The following TMOD1 variants were observed in gnomAD, a reference collection of about 807,000 sequenced individuals.
TMOD1 encodes the protein tropomodulin 1.
TMOD1 carries 17 observed loss-of-function variants against 40.6 expected under a neutral mutation model. The observed-to-expected ratio is 0.42, with a 90% CI of 0.29 to 0.63. The LOEUF is 0.63. TMOD1 is among the 20% of genes least tolerant of loss of function. The pLI, the probability that TMOD1 is intolerant of heterozygous loss-of-function variation, is 0.22. For missense variants in TMOD1, 391 were observed against 447.6 expected (o/e 0.87, Z 1.14); for synonymous variants, 181 against 175.0 (o/e 1.03, Z -0.27).
chr9:97,515,100 G>C (rs189131845), intron 1 of TMOD1, among the ~76,000 whole-genome samples: 1 of 151,976 alleles, frequency 6.6e-6, no homozygotes, highest in Admixed American at 6.5e-5. Flanking sequence ...ACTTTGGGAG[G>C]CTGAGGCAAG....
intron 5 of TMOD1, 92 bp downstream of exon 5, chr9:97,562,913 G>C (rs751212904): frequency 2.7e-5 from 27 of 1,007,188 alleles, no homozygotes; most frequent in Non-Finnish European, 3.5e-5. Flanking sequence ...GTTTTAACAT[G>C]TTATATAGCC....
intron 1 of TMOD1, among the ~76,000 whole-genome samples, chr9:97,504,189 G>A (rs781600165): frequency 1.3e-5 from 2 of 152,158 alleles, no homozygotes; most frequent in African/African-American, 4.8e-5. Context: ...TTTCATAGGG[G>A]CTGCTTGTGA....
At chr9:97,510,033 A>C (rs1829669410) in intron 1 of TMOD1, among the ~76,000 whole-genome samples, 1 of 152,146 alleles carries the variant, frequency 6.6e-6, no homozygotes, top group Non-Finnish European at 1.5e-5. Flanking sequence ...AATATGAAGC[A>C]AATATATTTT....
chr9:97,531,038 C>CCA (rs1554754343), intron 2 of TMOD1, among the ~76,000 whole-genome samples: 3 of 117,962 alleles, frequency 2.5e-5, no homozygotes, highest in African/African-American at 8.2e-5. Context: ...TCCACACCCA[C>CCA]CCCCCCCACC....
intron 9 of TMOD1, among the ~76,000 whole-genome samples, chr9:97,596,791 C>T (rs2773344): frequency 0.18 from 28,019 of 152,172 alleles, 2,717 homozygotes; most frequent in African/African-American, 0.22. Flanking sequence ...CCCCACCTTC[C>T]CATCCTCTAC....
At chr9:97,510,837 T>C (rs1829684524) in intron 1 of TMOD1, among the ~76,000 whole-genome samples, 1 of 151,906 alleles carries the variant, frequency 6.6e-6, no homozygotes, top group Non-Finnish European at 1.5e-5. Flanking sequence ...GGAAATGAAA[T>C]GGAAGGGGCA....
intron 9 of TMOD1, 92 bp from the exon 10 acceptor site, chr9:97,599,542 A>G: frequency 6.6e-7 from 1 of 1,511,808 alleles, no homozygotes; most frequent in South Asian, 1.1e-5. Flanking sequence ...CAAACCAATT[A>G]GTGCGAGGTT....
At chr9:97,545,536 G>A (rs547313311) in intron 2 of TMOD1, among the ~76,000 whole-genome samples, 1 of 152,348 alleles carries the variant, frequency 6.6e-6, no homozygotes, top group South Asian at 2.1e-4. Context: ...CCACCAGTGT[G>A]TTGTGAGCAC....
Position 97,502,954 on chromosome 9 carries a change from AC to A in TMOD1, c.-49+1154del, listed in dbSNP as rs574378191. ...AGCGCCGCCCCCTCCTACACCCTTC[AC>A]CCACCGCTACTATTACAGACCCTGT... On this transcript the variant is annotated intron_variant, in intron 1 of 9. Transcript: ENST00000259365. The surrounding 1 kb of genome is among the most constrained non-coding windows in gnomAD (Gnocchi z 6.1). Among the ~76,000 whole-genome samples the A allele has an allele frequency of 1.7e-3, 262 of 150,906 alleles. 1 individual carries two copies. The highest frequency in any genetic ancestry group is 2.1e-3 in the Non-Finnish European group (141 of 67,614).
intron 7 of TMOD1, among the ~76,000 whole-genome samples, chr9:97,567,933 G>A (rs1379421484): frequency 6.6e-6 from 1 of 152,184 alleles, no homozygotes; most frequent in Non-Finnish European, 1.5e-5. Flanking sequence ...TCAGCTGCTG[G>A]TGTCTTTTTC....
chr9:97,518,412 TGA>T (rs1332661957), intron 1 of TMOD1, among the ~76,000 whole-genome samples: 1 of 152,250 alleles, frequency 6.6e-6, no homozygotes, highest in African/African-American at 2.4e-5. Flanking sequence ...CCTCCAGAAC[TGA>T]GAGCCAACAC....
At chr9:97,584,830 T>A (rs1357386529) in intron 8 of TMOD1, among the ~76,000 whole-genome samples, 3 of 152,242 alleles carry the variant, frequency 2.0e-5, no homozygotes, top group Non-Finnish European at 4.4e-5. Flanking sequence ...CAACAACCCC[T>A]GCCTTTTTTT....
chr9:97,601,473 A>G lies in TMOD1; in HGVS notation c.*1775A>G. ...AAGCTCAGAGAGTAAGTGCTGGGGA[A>G]AGCAGAGCTATCAGAGGAAATCTCT... On this transcript the variant is annotated 3_prime_UTR_variant, in exon 10 of 10. Transcript: ENST00000259365. 1 of 998,008 alleles carries G rather than the reference A, an allele frequency of 1.0e-6. No homozygotes were observed. Among genetic ancestry groups the G allele is most frequent in the Non-Finnish European group, 1.2e-6 (1 of 837,368 alleles). 61.8% of individuals were successfully genotyped at this position (998,008 alleles called of 1,614,324 possible).
intron 8 of TMOD1, among the ~76,000 whole-genome samples, chr9:97,586,548 C>A (rs552441849): frequency 5.3e-5 from 8 of 151,286 alleles, no homozygotes; most frequent in African/African-American, 2.0e-4. Context: ...TCGAGCTTCC[C>A]GGCTGCTTTG....
chr9:97,512,845 G>A (rs895439652), intron 1 of TMOD1: 11 of 152,050 alleles, frequency 7.2e-5, no homozygotes, highest in African/African-American at 2.7e-4. Flanking sequence ...GGCTGGAAAT[G>A]TTTAGTATCT....
intron 8 of TMOD1, among the ~76,000 whole-genome samples, chr9:97,583,743 T>C (rs1825807781): frequency 6.9e-6 from 1 of 145,236 alleles, no homozygotes; most frequent in Non-Finnish European, 1.5e-5. Context: ...AGTGTATGTG[T>C]CCAGGAATTT....
At chr9:97,563,907 A>ACCCCCC in intron 5 of TMOD1, 131 bp from the exon 6 acceptor site, 2 of 903,022 alleles carry the variant, frequency 2.2e-6, no homozygotes, top group Non-Finnish European at 3.2e-6. Context: ...CCCTACCCCC[A>ACCCCCC]CCCAGCCCCT....
At chr9:97,520,658 T>G (rs1205688376) in intron 1 of TMOD1, among the ~76,000 whole-genome samples, 1 of 152,238 alleles carries the variant, frequency 6.6e-6, no homozygotes, top group Admixed American at 6.5e-5. Context: ...GAAAGGGCTT[T>G]TTAAATCCAG....
intron 1 of TMOD1, among the ~76,000 whole-genome samples, chr9:97,519,530 C>T (rs10982493): frequency 0.15 from 22,327 of 152,210 alleles, 1,733 homozygotes; most frequent in African/African-American, 0.2. Context: ...GGAGCCCCAG[C>T]GGCTTCATCA....
Sources: gnomAD v4.1 joint callset for allele counts (sites outside exome capture counted in the v4.1 genomes callset) on GRCh38, gnomAD v4.1.1 for gene constraint, Gnocchi (gnomAD v3.1) non-coding constraint, MANE v1.5 for transcripts, NCBI Gene and HGNC (gene_info 2026-07-23, HGNC 2026-07-21) for gene names.